GRIK4: variants seen among roughly 807,000 people sequenced by gnomAD.
The protein encoded by GRIK4 is glutamate ionotropic receptor kainate type subunit 4.
GRIK4 carries 40 observed loss-of-function variants against 104.9 expected under a neutral mutation model. That is an observed-to-expected ratio of 0.38 (90% confidence interval 0.30 to 0.50). GRIK4 has a LOEUF of 0.50. GRIK4 is among the 20% of genes least tolerant of loss of function. GRIK4 has a pLI of 0.93. For missense variants in GRIK4, 1,047 were observed against 1,308.1 expected (o/e 0.80, Z 3.08); for synonymous variants, 485 against 524.9 (o/e 0.92, Z 1.04).
At chr11:120,575,208 C>T (rs1948465000) in intron 1 of GRIK4, among the ~76,000 whole-genome samples, 1 of 152,116 alleles carries the variant, frequency 6.6e-6, no homozygotes, top group African/African-American at 2.4e-5. Context: ...TTTGAGGACA[C>T]GAGCATTTTG....
chr11:120,850,334 T>C (rs1489060824), intron 8 of GRIK4, among the ~76,000 whole-genome samples: 1 of 152,128 alleles, frequency 6.6e-6, no homozygotes, highest in Non-Finnish European at 1.5e-5. Context: ...GATGTGTGTT[T>C]CTTGGGGGTC....
chr11:120,961,162 C>A, intron 17 of GRIK4, 88 bp downstream of exon 17: 1 of 1,200,720 alleles, frequency 8.3e-7, no homozygotes. Context: ...AACATCTCTC[C>A]GCATCTCATT....
chr11:120,709,966 C>T (rs1016994848), intron 3 of GRIK4, among the ~76,000 whole-genome samples: 15 of 152,076 alleles, frequency 9.9e-5, no homozygotes, highest in Admixed American at 7.2e-4. Flanking sequence ...CTAACGCAGG[C>T]GAGGGTGCTT....
intron 8 of GRIK4, among the ~76,000 whole-genome samples, chr11:120,841,506 C>G (rs150133457): frequency 6.6e-6 from 1 of 152,206 alleles, no homozygotes; most frequent in African/African-American, 2.4e-5. Context: ...TTTGTGTATC[C>G]GTTCATTCAT....
Position 120,986,744 on chromosome 11 carries a change from C to T in GRIK4, c.*484C>T, listed in dbSNP as rs1004121609. 1 of 151,814 alleles carries T rather than the reference C, an allele frequency of 6.6e-6. No homozygotes were observed. The highest frequency in any genetic ancestry group is 6.6e-5 in the Admixed American group (1 of 15,214). 9.4% of individuals were successfully genotyped at this position (151,814 alleles called of 1,614,324 possible). A position where few individuals can be genotyped will look rare whatever the true frequency, so the allele number is the denominator to read the frequency against. On this transcript the variant is annotated 3_prime_UTR_variant, in exon 21 of 21. Transcript: ENST00000527524. ...GTTAATGTTCTTTTCCCTTTTCTTT[C>T]CTCCTCTCCTTTTCTTCTTTGTCAT...
intron 12 of GRIK4, among the ~76,000 whole-genome samples, chr11:120,904,334 C>T (rs1942817139): frequency 6.6e-6 from 1 of 152,154 alleles, no homozygotes; most frequent in African/African-American, 2.4e-5. Flanking sequence ...GTTAGTCATC[C>T]ACCGGGCTCC....
chr11:120,927,959 T>C (rs1488041952), intron 13 of GRIK4, among the ~76,000 whole-genome samples: 2 of 152,066 alleles, frequency 1.3e-5, no homozygotes, highest in Admixed American at 1.3e-4. Context: ...ATGCCTGTAA[T>C]CCTAGCACTT....
chr11:120,698,417 G>A (rs1950492249), intron 3 of GRIK4, among the ~76,000 whole-genome samples: 1 of 152,226 alleles, frequency 6.6e-6, no homozygotes, highest in East Asian at 1.9e-4. Flanking sequence ...TTGAGCAGGT[G>A]AGTTACCCTC....
At chr11:120,926,229 A>G (rs1591292141) in intron 13 of GRIK4, among the ~76,000 whole-genome samples, 1 of 152,194 alleles carries the variant, frequency 6.6e-6, no homozygotes, top group South Asian at 2.1e-4. Context: ...CACCTCAACT[A>G]TATAAACACT....
chr11:120,838,993 G>T (rs1953651596), intron 8 of GRIK4, among the ~76,000 whole-genome samples: 1 of 152,060 alleles, frequency 6.6e-6, no homozygotes. Context: ...CACAACATTG[G>T]CTAGGCTGCT....
chr11:120,720,603 C>T (rs1220444374), intron 3 of GRIK4, among the ~76,000 whole-genome samples: 1 of 152,058 alleles, frequency 6.6e-6, no homozygotes, highest in Non-Finnish European at 1.5e-5. Flanking sequence ...TCCTGGTGCA[C>T]AGCCATGGGT....
At chr11:120,574,950 G>A (rs570743097) in intron 1 of GRIK4, among the ~76,000 whole-genome samples, 1 of 152,284 alleles carries the variant, frequency 6.6e-6, no homozygotes, top group East Asian at 1.9e-4. Context: ...CTAACATTGA[G>A]GACATGGGAA....
At chr11:120,879,561 A>G (rs1954907365) in intron 11 of GRIK4, among the ~76,000 whole-genome samples, 1 of 152,196 alleles carries the variant, frequency 6.6e-6, no homozygotes, top group South Asian at 2.1e-4. Context: ...GTTTTCTACT[A>G]TTTTAAAAAT....
intron 1 of GRIK4, among the ~76,000 whole-genome samples, chr11:120,536,272 G>A (rs984822537): frequency 7.9e-5 from 12 of 152,318 alleles, no homozygotes; most frequent in African/African-American, 2.4e-4. Flanking sequence ...AGGAGCTCGC[G>A]GGGCTGGCAG....
At chr11:120,904,530 C>T (rs1388090615) in intron 12 of GRIK4, among the ~76,000 whole-genome samples, 1 of 152,234 alleles carries the variant, frequency 6.6e-6, no homozygotes, top group Non-Finnish European at 1.5e-5. Context: ...TACTCGCAGC[C>T]TTGCGTCTTT....
chr11:120,703,858 G>T (rs776272086), intron 3 of GRIK4, among the ~76,000 whole-genome samples: 2 of 152,162 alleles, frequency 1.3e-5, no homozygotes, highest in Non-Finnish European at 2.9e-5. Flanking sequence ...GTAGGTACAG[G>T]ATGGGGTGGT....
chr11:120,635,667 A>G (rs78151884), intron 1 of GRIK4, among the ~76,000 whole-genome samples: 2,088 of 152,346 alleles, frequency 0.014, 119 homozygotes, highest in Admixed American at 0.09. Context: ...AGTGTTTGGA[A>G]AGGGCATGAG....
Position 120,911,385 on chromosome 11 carries a change from C to T in GRIK4, c.1476+5892C>T, listed in dbSNP as rs546272406. Among the ~76,000 whole-genome samples, 394 of 149,814 alleles carry T rather than the reference C, an allele frequency of 2.6e-3. 2 individuals carry two copies. The highest frequency in any genetic ancestry group is 8.7e-3 in the African/African-American group (358 of 41,012). On this transcript the variant is annotated intron_variant, in intron 13 of 20. Transcript: ENST00000527524. ...TCCCGTGTAGCTGGGACTACAGGCG[C>T]GCGCCACCATGCCCGGCTAATTTTT...
In GRIK4 at chr11:120,871,368, G is replaced by A. The variant is rs140135158; in HGVS notation, c.907-2698G>A. The A allele has an allele frequency of 1.9e-3, 621 of 332,730 alleles. 3 individuals are homozygous for A. The highest frequency in any genetic ancestry group is 0.011 in the African/African-American group (503 of 46,680). 20.6% of individuals were successfully genotyped at this position (332,730 alleles called of 1,614,324 possible). On this transcript the variant is annotated intron_variant, in intron 9 of 20. Transcript: ENST00000527524. The stretch of plus-strand genomic sequence containing the variant: ...CAAGGACGGTTGTAGGCTTGCAAAG[G>A]AGCATTCATTACCATGCAGGGCGAA...
Sources: gnomAD v4.1 joint callset for allele counts (sites outside exome capture counted in the v4.1 genomes callset) on GRCh38, gnomAD v4.1.1 for gene constraint, MANE v1.5 for transcripts, NCBI Gene and HGNC (gene_info 2026-07-23, HGNC 2026-07-21) for gene names.